STK4: variants seen among roughly 807,000 people sequenced by gnomAD.
STK4 encodes the protein serine/threonine kinase 4.
STK4 carries 30 observed loss-of-function variants against 64.9 expected under a neutral mutation model. That is an observed-to-expected ratio of 0.46 (90% CI 0.35 to 0.63). STK4 has a LOEUF of 0.63. STK4 is among the 20% of genes least tolerant of loss of function. The probability of loss-of-function intolerance (pLI) is 0.01; values close to 1 mark genes in which losing one functional copy is unlikely to be tolerated. For missense variants in STK4, 466 were observed against 598.5 expected (o/e 0.78, Z 2.31); for synonymous variants, 177 against 199.0 (o/e 0.89, Z 0.93).
At chr20:45,020,303 G>A (rs1361338511) in intron 9 of STK4, among the ~76,000 whole-genome samples, 1 of 151,996 alleles carries the variant, frequency 6.6e-6, no homozygotes, top group Admixed American at 6.6e-5. Context: ...TGTGCAGTTT[G>A]GATGAGACCA....
rs33913833 is a variant in STK4 at position 45,026,128 on chromosome 20, G to GTTTTTTTTT, written c.1305+1007_1305+1015dup. Among the ~76,000 whole-genome samples the GTTTTTTTTT allele has an allele frequency of 1.3e-3, 172 of 128,914 alleles. 1 individual carries two copies. The highest frequency in any genetic ancestry group is 4.9e-3 in the African/African-American group (164 of 33,424). 84.6% of individuals were successfully genotyped at this position (128,914 alleles called of 152,430 possible). ...TGTTCATTTACTTACTTATCCAGTGGTTTTTTTTTTTTTTTTTGGATGTCA... is the reference window on the plus strand; with the variant it reads ...TGTTCATTTACTTACTTATCCAGTGGTTTTTTTTTTTTTTTTTTTTTTTTTTGGATGTCA... On this transcript the variant is annotated intron_variant, in intron 10 of 10. Transcript: ENST00000372806.
intron 10 of STK4, chr20:45,053,222 G>C (rs1423798139): frequency 1.3e-5 from 20 of 1,517,758 alleles, no homozygotes; most frequent in Middle Eastern, 1.7e-4. Context: ...CAGTAGCCTG[G>C]TTCTGCTGGT....
At position 45,005,657 on chromosome 20, in the gene STK4, A is replaced by C. The variant is rs542590068; in HGVS notation, c.1147+4304A>C. On this transcript the variant is annotated intron_variant, in intron 9 of 10. Transcript: ENST00000372806. ...AGCGAGACTCTGTCTCAAAAAAAAAAAAAAAAAAAACAAAACGTTAGCTAC... is the reference window on the plus strand; with the variant it reads ...AGCGAGACTCTGTCTCAAAAAAAAACAAAAAAAAAACAAAACGTTAGCTAC... 2.4e-4 allele frequency among the ~76,000 whole-genome samples: 37 copies of C among 151,696 alleles called. 1 individual carries two copies. The highest frequency in any genetic ancestry group is 7.3e-4 in the African/African-American group (30 of 41,368).
At chr20:45,050,490 G>A (rs1212886600) in intron 10 of STK4, among the ~76,000 whole-genome samples, 2 of 152,100 alleles carry the variant, frequency 1.3e-5, no homozygotes, top group Admixed American at 6.5e-5. Context: ...AATTCCTGCA[G>A]TAGAATTATT....
At chr20:44,974,031 CA>C (rs2067296676) in intron 2 of STK4, 1 of 152,162 alleles carries the variant, frequency 6.6e-6, no homozygotes, top group African/African-American at 2.4e-5. Context: ...ATAATGTAAA[CA>C]AAAAATAAGC....
chr20:45,023,261 G>A (rs776655291), intron 9 of STK4, among the ~76,000 whole-genome samples: 6 of 152,100 alleles, frequency 3.9e-5, no homozygotes, highest in Non-Finnish European at 8.8e-5. Flanking sequence ...GAAACCATTG[G>A]CAGTCTGTGG....
Position 45,069,689 on chromosome 20 carries a change from C to T in STK4, c.1306-5329C>T, listed in dbSNP as rs1043950780. 4.6e-5 allele frequency among the ~76,000 whole-genome samples: 7 copies of T among 152,320 alleles called. No individual in the cohort carries two copies. In the South Asian group the frequency reaches 1.5e-3, roughly 32 times the overall value. On this transcript the variant is annotated intron_variant, in intron 10 of 10. Transcript: ENST00000372806. ...TTAGCACCCATCCAGAACCTTGTTG[C>T]ATATGATGATGCCCCATGTAAGCTT...
intron 2 of STK4, chr20:44,973,231 G>A (rs1246000310): frequency 6.6e-6 from 1 of 152,116 alleles, no homozygotes; most frequent in African/African-American, 2.4e-5. Context: ...ACCCAATCCT[G>A]GATTACATGA....
intron 10 of STK4, among the ~76,000 whole-genome samples, chr20:45,066,855 A>G (rs1203669150): frequency 6.6e-6 from 1 of 152,202 alleles, no homozygotes; most frequent in Non-Finnish European, 1.5e-5. Flanking sequence ...CACAAGGCTT[A>G]TTTAAGGAGC....
intron 10 of STK4, among the ~76,000 whole-genome samples, chr20:45,062,670 T>A (rs1349604483): frequency 6.6e-6 from 1 of 152,080 alleles, no homozygotes; most frequent in East Asian, 1.9e-4. Flanking sequence ...TTTTTTTGTT[T>A]TGTTTTGAGA....
chr20:45,023,085 C>A (rs1282716680), intron 9 of STK4, among the ~76,000 whole-genome samples: 1 of 152,152 alleles, frequency 6.6e-6, no homozygotes, highest in Non-Finnish European at 1.5e-5. Context: ...CTTTTTATTT[C>A]TTGGGACCGT....
intron 10 of STK4, among the ~76,000 whole-genome samples, chr20:45,064,814 T>G (rs182329190): frequency 2.0e-5 from 3 of 152,374 alleles, no homozygotes; most frequent in Admixed American, 2.0e-4. Context: ...ATACTGAAAC[T>G]TTGCTGAAGT....
intron 9 of STK4, among the ~76,000 whole-genome samples, chr20:45,018,716 A>G (rs536842062): frequency 6.6e-6 from 1 of 151,472 alleles, no homozygotes; most frequent in East Asian, 1.9e-4. Flanking sequence ...TCTAATTTTT[A>G]AAGTTCTACT....
At chr20:45,055,034 T>C (rs1171977424) in intron 10 of STK4, among the ~76,000 whole-genome samples, 1 of 151,864 alleles carries the variant, frequency 6.6e-6, no homozygotes, top group Non-Finnish European at 1.5e-5. Flanking sequence ...AAAGAAGGGG[T>C]GGGGATGGGC....
intron 3 of STK4, among the ~76,000 whole-genome samples, chr20:44,979,282 T>A (rs1401837921): frequency 6.6e-6 from 1 of 152,158 alleles, no homozygotes; most frequent in Non-Finnish European, 1.5e-5. Context: ...CCTTAGAATA[T>A]CAGGTAAATC....
At chr20:45,044,845 G>A (rs940495407) in intron 10 of STK4, among the ~76,000 whole-genome samples, 3 of 152,110 alleles carry the variant, frequency 2.0e-5, no homozygotes, top group Admixed American at 2.0e-4. Flanking sequence ...ATTTTAGTTT[G>A]TGATCTGTAA....
At chr20:45,046,994 T>C (rs2068707000) in intron 10 of STK4, among the ~76,000 whole-genome samples, 1 of 152,218 alleles carries the variant, frequency 6.6e-6, no homozygotes, top group Non-Finnish European at 1.5e-5. Context: ...TTGCTTTTCT[T>C]ACTCCAGTGT....
chr20:45,010,181 G>A (rs952339972), intron 9 of STK4, among the ~76,000 whole-genome samples: 3 of 152,044 alleles, frequency 2.0e-5, no homozygotes, highest in African/African-American at 4.8e-5. Context: ...CAATTCTCCT[G>A]TCTCAGCCTC....
chr20:45,038,819 C>A (rs1191293156), intron 10 of STK4, among the ~76,000 whole-genome samples: 1 of 151,726 alleles, frequency 6.6e-6, no homozygotes, highest in South Asian at 2.1e-4. Flanking sequence ...GCTAATTATA[C>A]ATTAATGTAG....
Sources: allele counts gnomAD v4.1 joint callset (sites outside exome capture counted in the v4.1 genomes callset), GRCh38; gene constraint gnomAD v4.1.1; transcripts MANE v1.5; gene names NCBI Gene and HGNC (gene_info 2026-07-23, HGNC 2026-07-21).